The following CTNNBL1 variants were observed in gnomAD, a reference collection of about 807,000 sequenced individuals.
CTNNBL1 encodes beta-catenin-like protein 1.
CTNNBL1 carries 31 observed loss-of-function variants against 72.7 expected under a neutral mutation model. The ratio of observed to expected loss-of-function variants is 0.43; its 90% CI spans 0.32 to 0.58. The LOEUF (loss-of-function observed/expected upper bound fraction) is 0.58. CTNNBL1 is among the 20% of genes least tolerant of loss of function. The probability of loss-of-function intolerance (pLI) is 0.08; values close to 1 mark genes in which losing one functional copy is unlikely to be tolerated. For missense variants in CTNNBL1, 534 were observed against 725.1 expected, an observed-to-expected ratio of 0.74 and a Z score of 3.03; for synonymous variants, 240 against 267.3, an observed-to-expected ratio of 0.90 and a Z score of 1.00.
intron 1 of CTNNBL1, among the ~76,000 whole-genome samples, chr20:37,695,253 G>A (rs768838323): frequency 6.6e-6 from 1 of 152,162 alleles, no homozygotes; most frequent in Non-Finnish European, 1.5e-5. Context: ...TGTCGCCCAT[G>A]CTGGAGTGCA....
Position 37,864,110 on chromosome 20 carries a change from A to T in CTNNBL1, c.1603+3766A>T, listed in dbSNP as rs150985618. Among the ~76,000 whole-genome samples, 22 of 152,066 alleles carry T rather than the reference A, an allele frequency of 1.4e-4. No homozygotes were observed. The East Asian group carries it at 4.3e-3, about 30-fold the overall frequency. On this transcript the variant is annotated intron_variant, in intron 15 of 15. Transcript: ENST00000361383. ...TGAGGTTGACAAGGTTGAGACTCCC[A>T]TGGAGGTGGAAGGGGTGGGAGGCTG... is the stretch of plus-strand genomic sequence containing the variant.
chr20:37,871,886 G>A, intron 15 of CTNNBL1, 39 bp from the exon 16 acceptor site: 1 of 1,567,332 alleles, frequency 6.4e-7, no homozygotes, highest in Non-Finnish European at 8.8e-7. Flanking sequence ...TGGATGCCAT[G>A]CCTGGGATCC....
At chr20:37,777,819 T>C in intron 9 of CTNNBL1, 107 bp downstream of exon 9, 1 of 1,142,596 alleles carries the variant, frequency 8.8e-7, no homozygotes, top group South Asian at 1.2e-5. Flanking sequence ...CTGCAAGCCA[T>C]ATGGAGCATG....
chr20:37,745,199 A>G (rs908528383), intron 3 of CTNNBL1, among the ~76,000 whole-genome samples: 10 of 152,218 alleles, frequency 6.6e-5, no homozygotes, highest in Non-Finnish European at 1.2e-4. Context: ...AAAGAATTCT[A>G]AGTCTCTAGA....
chr20:37,730,167 G>T (rs1004324796), intron 1 of CTNNBL1, among the ~76,000 whole-genome samples: 5 of 152,216 alleles, frequency 3.3e-5, no homozygotes, highest in African/African-American at 1.2e-4. Flanking sequence ...GTCAAAAGGG[G>T]AGATGTGTAA....
chr20:37,733,186 C>A (rs1235543019), intron 2 of CTNNBL1, 119 bp downstream of exon 2: 1 of 839,056 alleles, frequency 1.2e-6, no homozygotes. Context: ...GTTAAGAATT[C>A]ATATTTCATC....
chr20:37,842,822 C>G (rs544838660), intron 13 of CTNNBL1, among the ~76,000 whole-genome samples: 1 of 152,312 alleles, frequency 6.6e-6, no homozygotes, highest in East Asian at 1.9e-4. Context: ...CGTAGAGGAG[C>G]TGGAAGGAAA....
In CTNNBL1 at chr20:37,772,496, C is replaced by T. The variant is rs6013034; in HGVS notation, c.750+4452C>T. 1.6e-3 allele frequency among the ~76,000 whole-genome samples: 244 copies of T among 152,244 alleles called. 2 individuals carry two copies. Among genetic ancestry groups the T allele is most frequent in the Middle Eastern group, 6.8e-3 (2 of 294 alleles). On this transcript the variant is annotated intron_variant, in intron 7 of 15. Coordinates refer to ENST00000361383, the MANE Select transcript of CTNNBL1 (RefSeq NM_030877.5). ...CCTGAGTAGCTAGGACTACAGGCGCCCGCCACCACATCCGGCTAATTTTTT... is the reference window on the plus strand; with the variant it reads ...CCTGAGTAGCTAGGACTACAGGCGCTCGCCACCACATCCGGCTAATTTTTT...
At chr20:37,775,910 T>C (rs1323895279) in intron 7 of CTNNBL1, among the ~76,000 whole-genome samples, 4 of 152,248 alleles carry the variant, frequency 2.6e-5, no homozygotes, top group Non-Finnish European at 4.4e-5. Flanking sequence ...CTTGCAATGC[T>C]AATGTATAAG....
intron 11 of CTNNBL1, among the ~76,000 whole-genome samples, chr20:37,813,812 TATTTCTCCAGC>T (rs1323674118): frequency 6.6e-6 from 1 of 152,226 alleles, no homozygotes; most frequent in African/African-American, 2.4e-5. Flanking sequence ...CTCCTTTAGT[TATTTCTCCAGC>T]ATTTGTAGGT....
intron 13 of CTNNBL1, among the ~76,000 whole-genome samples, chr20:37,847,343 C>A (rs2122830043): frequency 6.6e-6 from 1 of 152,248 alleles, no homozygotes; most frequent in Non-Finnish European, 1.5e-5. Context: ...ATGTTGTATT[C>A]AAAGTCTGTG....
At chr20:37,778,541 A>G (rs901491639) in intron 9 of CTNNBL1, among the ~76,000 whole-genome samples, 2 of 152,208 alleles carry the variant, frequency 1.3e-5, no homozygotes, top group Non-Finnish European at 2.9e-5. Flanking sequence ...GGGTATGCAT[A>G]TACAGTTTAA....
At chr20:37,747,487 C>T (rs374088170) in intron 4 of CTNNBL1, among the ~76,000 whole-genome samples, 3 of 152,028 alleles carry the variant, frequency 2.0e-5, no homozygotes, top group East Asian at 3.9e-4. Flanking sequence ...GACTCTCAAC[C>T]GCATTTTTGT....
chr20:37,854,634 G>A (rs4811221), intron 13 of CTNNBL1, among the ~76,000 whole-genome samples: 121,220 of 147,774 alleles, frequency 0.82, 49,828 homozygotes, highest in Middle Eastern at 0.9. Context: ...CTGTGCCCCA[G>A]GCTGAGTGCA....
chr20:37,753,961 T>C (rs372466855), intron 4 of CTNNBL1, among the ~76,000 whole-genome samples: 1 of 152,100 alleles, frequency 6.6e-6, no homozygotes, highest in African/African-American at 2.4e-5. Context: ...AATTAAGCTG[T>C]AAGGAAATAA....
At chr20:37,839,099 A>G (rs1161631028) in intron 11 of CTNNBL1, among the ~76,000 whole-genome samples, 1 of 152,226 alleles carries the variant, frequency 6.6e-6, no homozygotes, top group East Asian at 1.9e-4. Flanking sequence ...TAAGGACTGA[A>G]TAACTCCAAC....
rs193245626 is a variant in CTNNBL1, at chr20:37,863,797, G to A, written c.1603+3453G>A. Among the ~76,000 whole-genome samples the A allele has an allele frequency of 3.8e-3, 584 of 152,276 alleles. 3 individuals are homozygous for A. Among genetic ancestry groups the A allele is most frequent in the Non-Finnish European group, 6.9e-3 (466 of 68,012 alleles). The stretch of plus-strand genomic sequence containing the variant: ...TCGTTTGGGAAATTTGAGGTCATCA[G>A]TGTGGAGGTGATATTTAGAGCCTGG... On this transcript the variant is annotated intron_variant, in intron 15 of 15. Transcript: ENST00000361383.
intron 1 of CTNNBL1, among the ~76,000 whole-genome samples, chr20:37,726,107 TA>T (rs1248915380): frequency 6.6e-6 from 1 of 152,044 alleles, no homozygotes; most frequent in African/African-American, 2.4e-5. Context: ...GTAGAGGGAG[TA>T]ACTTACTTTC....
intron 10 of CTNNBL1, among the ~76,000 whole-genome samples, chr20:37,789,638 C>T (rs1482722271): frequency 2.6e-5 from 4 of 152,204 alleles, no homozygotes; most frequent in African/African-American, 4.8e-5. Flanking sequence ...ACAGATACCT[C>T]TCTTTGGTAA....
Sources: gnomAD v4.1 joint callset for allele counts (sites outside exome capture counted in the v4.1 genomes callset) on GRCh38, gnomAD v4.1.1 for gene constraint, MANE v1.5 for transcripts, NCBI Gene and HGNC (gene_info 2026-07-23, HGNC 2026-07-21) for gene names.